Variants in SCFD2 observed in about 807,000 individuals in gnomAD.
SCFD2 encodes sec1 family domain-containing protein 2.
Under a neutral mutation model 58.9 loss-of-function variants are expected in SCFD2, and 54 were observed. The observed-to-expected ratio is 0.92, with a 90% CI of 0.74 to 1.15. The LOEUF is 1.15. Among genes scored for constraint, SCFD2 ranks in the 50% most tolerant of loss-of-function variants. The probability of loss-of-function intolerance (pLI) is 0.00; values close to 1 mark genes in which losing one functional copy is unlikely to be tolerated. For missense variants in SCFD2, 805 were observed against 836.6 expected, an observed-to-expected ratio of 0.96 and a Z score of 0.47; for synonymous variants, 321 against 335.9, an observed-to-expected ratio of 0.96 and a Z score of 0.49.
intron 5 of SCFD2, among the ~76,000 whole-genome samples, chr4:52,933,648 T>C (rs1455938113): frequency 2.0e-5 from 3 of 152,122 alleles, no homozygotes; most frequent in African/African-American, 7.2e-5. Context: ...AGGCAGAATA[T>C]GCACTGGACA....
rs577666650 is a variant in SCFD2, at chr4:53,007,435, G to A, written c.1562-86565C>T. Among the ~76,000 whole-genome samples, 450 of 140,726 alleles carry A rather than the reference G, an allele frequency of 3.2e-3. 5 individuals are homozygous for A. The highest frequency in any genetic ancestry group is 0.011 in the African/African-American group (433 of 39,084). 92.3% of individuals were successfully genotyped at this position (140,726 alleles called of 152,430 possible). A position where few individuals can be genotyped will look rare whatever the true frequency, so the allele number is the denominator to read the frequency against. ...GGAGGGAGGGAGGGAGGGAGGGAGG[G>A]AGGAAGGATAGACTTGTTACTGATA... On this transcript the variant is annotated intron_variant, in intron 5 of 8. Transcript: ENST00000401642.
intron 5 of SCFD2, among the ~76,000 whole-genome samples, chr4:53,070,223 T>A (rs1723778040): frequency 6.6e-6 from 1 of 152,086 alleles, no homozygotes; most frequent in Non-Finnish European, 1.5e-5. Flanking sequence ...GTTTTATCAG[T>A]TGTTGACTTT....
intron 4 of SCFD2, among the ~76,000 whole-genome samples, chr4:53,183,356 C>T (rs1727637584): frequency 6.6e-6 from 1 of 152,154 alleles, no homozygotes; most frequent in South Asian, 2.1e-4. Context: ...TTTGTAGGGA[C>T]ATGGATGAAG....
intron 5 of SCFD2, among the ~76,000 whole-genome samples, chr4:53,036,991 T>C (rs572620606): frequency 6.6e-6 from 1 of 152,102 alleles, no homozygotes; most frequent in South Asian, 2.1e-4. Flanking sequence ...GGGGAAACTT[T>C]TGGGGTGATG....
Position 53,059,670 on chromosome 4 carries a change from G to A in SCFD2, c.1561+85663C>T, listed in dbSNP as rs116209704. ...AGGTAATCTGCATTCCTCTTCTTCCGTATAGCCAACTTTCAAATACTTTAA... is the reference window on the plus strand; with the variant it reads ...AGGTAATCTGCATTCCTCTTCTTCCATATAGCCAACTTTCAAATACTTTAA... On this transcript the variant is annotated intron_variant, in intron 5 of 8. Transcript: ENST00000401642. Among the ~76,000 whole-genome samples the A allele has an allele frequency of 6.0e-4, 91 of 150,466 alleles. 1 individual carries two copies. The East Asian group carries it at 9.5e-3, about 16-fold the overall frequency.
At chr4:53,032,846 TAG>T (rs1722653008) in intron 5 of SCFD2, among the ~76,000 whole-genome samples, 1 of 152,168 alleles carries the variant, frequency 6.6e-6, no homozygotes, top group Admixed American at 6.5e-5. Flanking sequence ...CAAAGAGACT[TAG>T]ACTCCCACAC....
At chr4:53,181,818 C>T (rs1727569162) in intron 4 of SCFD2, among the ~76,000 whole-genome samples, 1 of 152,172 alleles carries the variant, frequency 6.6e-6, no homozygotes, top group South Asian at 2.1e-4. Flanking sequence ...TCTCAGGATA[C>T]AAAATCAATG....
intron 3 of SCFD2, among the ~76,000 whole-genome samples, chr4:53,306,869 GT>G (rs1388176386): frequency 1.3e-5 from 2 of 152,202 alleles, no homozygotes; most frequent in East Asian, 3.8e-4. Flanking sequence ...AATCAGATGG[GT>G]TTTGACAGGA....
chr4:53,076,185 A>T (rs753350332), intron 5 of SCFD2, among the ~76,000 whole-genome samples: 2 of 152,186 alleles, frequency 1.3e-5, no homozygotes, highest in Non-Finnish European at 2.9e-5. Context: ...CACAGTTACA[A>T]CTTTTCACTT....
chr4:53,170,470 G>A (rs1377989238), intron 4 of SCFD2, among the ~76,000 whole-genome samples: 4 of 152,192 alleles, frequency 2.6e-5, no homozygotes, highest in East Asian at 3.9e-4. Context: ...GTAGTGCAGC[G>A]CCTCCAGCTT....
chr4:53,078,042 T>C (rs1020697636), intron 5 of SCFD2, among the ~76,000 whole-genome samples: 1 of 152,218 alleles, frequency 6.6e-6, no homozygotes. Flanking sequence ...CATAAGACTT[T>C]GTTGATTTTT....
At chr4:53,060,256 A>G (rs1294044241) in intron 5 of SCFD2, among the ~76,000 whole-genome samples, 1 of 152,156 alleles carries the variant, frequency 6.6e-6, no homozygotes, top group African/African-American at 2.4e-5. Context: ...CTATGAAAAA[A>G]GTACTGTTCT....
At chr4:53,110,969 A>G (rs1391507306) in intron 5 of SCFD2, among the ~76,000 whole-genome samples, 1 of 152,266 alleles carries the variant, frequency 6.6e-6, no homozygotes, top group East Asian at 1.9e-4. Flanking sequence ...TGGATAAAGA[A>G]AATGTGGCAC....
intron 4 of SCFD2, among the ~76,000 whole-genome samples, chr4:53,188,984 C>G (rs1727816252): frequency 6.6e-6 from 1 of 152,100 alleles, no homozygotes; most frequent in South Asian, 2.1e-4. Flanking sequence ...CAGGAACTGA[C>G]AGGTAACTCA....
At chr4:52,940,885 A>G (rs1271496312) in intron 5 of SCFD2, among the ~76,000 whole-genome samples, 1 of 151,876 alleles carries the variant, frequency 6.6e-6, no homozygotes, top group Non-Finnish European at 1.5e-5. Context: ...ACTGGTTAAG[A>G]CCCTTGGGCA....
At position 52,970,231 on chromosome 4, in the gene SCFD2, C is replaced by T. The variant is rs191981097; in HGVS notation, c.1562-49361G>A. ...AAGCAGGGCGAGGCATCGCCTCACC[C>T]GGTAAGTGCAAGGGGTCAGGGAATT... On this transcript the variant is annotated intron_variant, in intron 5 of 8. Transcript: ENST00000401642. Among the ~76,000 whole-genome samples the T allele has an allele frequency of 2.6e-3, 391 of 152,298 alleles. 2 individuals carry two copies. The highest frequency in any genetic ancestry group is 4.7e-3 in the Non-Finnish European group (319 of 68,018).
rs139072302 is a variant in SCFD2 at position 53,217,740 on chromosome 4, A to G, written c.1311+56086T>C. 7.3e-4 allele frequency among the ~76,000 whole-genome samples: 111 copies of G among 152,276 alleles called. 1 individual carries two copies. The highest frequency in any genetic ancestry group is 4.1e-3 in the South Asian group (20 of 4,822). On this transcript the variant is annotated intron_variant, in intron 4 of 8. Transcript: ENST00000401642. ...TTGATGCAGTTTCTTCATGGTATCA[A>G]TGGTCTTTACAATTTGGCATGTTTT...
chr4:53,247,805 G>T (rs1472372389), intron 4 of SCFD2, among the ~76,000 whole-genome samples: 1 of 134,572 alleles, frequency 7.4e-6, no homozygotes, highest in Non-Finnish European at 1.6e-5. Context: ...AGCTTGCAGT[G>T]AGCCGAGATT....
At chr4:53,128,733 C>T (rs1577754606) in intron 5 of SCFD2, among the ~76,000 whole-genome samples, 1 of 152,126 alleles carries the variant, frequency 6.6e-6, no homozygotes, top group Non-Finnish European at 1.5e-5. Context: ...AAAATATGTG[C>T]TTCACTTGTT....
Sources: allele counts gnomAD v4.1 joint callset (sites outside exome capture counted in the v4.1 genomes callset), GRCh38; gene constraint gnomAD v4.1.1; transcripts MANE v1.5; gene names NCBI Gene and HGNC (gene_info 2026-07-23, HGNC 2026-07-21).